The following CC2D2B variants were observed in gnomAD, a reference collection of about 807,000 sequenced individuals.
CC2D2B encodes the protein protein CC2D2B.
In CC2D2B, 128 loss-of-function variants were observed where a neutral mutation model predicts 161.2. The observed-to-expected ratio is 0.79, with a 90% confidence interval of 0.69 to 0.92. The LOEUF (loss-of-function observed/expected upper bound fraction) is 0.92. CC2D2B is among the 40% of genes least tolerant of loss of function. CC2D2B has a pLI of 0.00. For missense variants in CC2D2B, 1,173 were observed against 1,375.1 expected, an observed-to-expected ratio of 0.85 and a Z score of 2.32; for synonymous variants, 391 against 449.8, an observed-to-expected ratio of 0.87 and a Z score of 1.65.
intron 34 of CC2D2B, among the ~76,000 whole-genome samples, chr10:96,029,249 T>G (rs1169771415): frequency 9.2e-5 from 2 of 21,638 alleles, no homozygotes; most frequent in Middle Eastern, 0.015. Context: ...ACCATATATA[T>G]ATATATATAT....
intron 4 of CC2D2B, 64 bp from the exon 5 acceptor site, chr10:95,924,715 G>T: frequency 9.2e-7 from 1 of 1,090,442 alleles, no homozygotes; most frequent in South Asian, 1.4e-5. Context: ...ATAAATTTTG[G>T]ACAAAAGACT....
chr10:95,913,219 T>C (rs1452079334), intron 2 of CC2D2B, among the ~76,000 whole-genome samples: 1 of 152,130 alleles, frequency 6.6e-6, no homozygotes, highest in African/African-American at 2.4e-5. Flanking sequence ...AAGTTTTTCT[T>C]TCTGTGCCTG....
intron 6 of CC2D2B, among the ~76,000 whole-genome samples, chr10:95,936,470 T>C (rs1045133919): frequency 2.6e-5 from 4 of 152,152 alleles, no homozygotes; most frequent in African/African-American, 9.7e-5. Context: ...TAACAAGGCA[T>C]GTTCCTGTGA....
At chr10:96,000,061 T>C in intron 24 of CC2D2B, 2 of 1,476,854 alleles carry the variant, frequency 1.4e-6, no homozygotes, top group Non-Finnish European at 1.8e-6. Flanking sequence ...TGTAGACTCT[T>C]CCAGTTTTGC....
At chr10:95,995,921 T>G (rs1259017125) in intron 23 of CC2D2B, among the ~76,000 whole-genome samples, 1 of 152,224 alleles carries the variant, frequency 6.6e-6, no homozygotes, top group Non-Finnish European at 1.5e-5. Context: ...CTGATAGACT[T>G]TAAAATCCTT....
At position 96,019,789 on chromosome 10, in the gene CC2D2B, A is replaced by T. The variant is rs775808199; in HGVS notation, c.3853A>T (p.Lys1285Ter). Residue 1285 changes from lysine (K) to a stop codon, truncating the protein, a stop_gained, in exon 32 of 35, where the codon AAA becomes TAA. Coordinates refer to ENST00000646931, the MANE Select transcript of CC2D2B (RefSeq NM_001349008.3). LOFTEE classifies it high-confidence loss of function. ...KESFWKQLLP[K>*]NVQGTKIQSI... The stretch of plus-strand genomic sequence containing the variant: ...AAGTTTCTGGAAGCAGTTGCTTCCA[A>T]AAAACGTTCAAGGAACAAAAATACA... The T allele has an allele frequency of 6.2e-7, 1 of 1,606,368 alleles. No homozygotes were observed.
chr10:95,969,696 A>G (rs2077056007), intron 15 of CC2D2B, among the ~76,000 whole-genome samples: 1 of 152,098 alleles, frequency 6.6e-6, no homozygotes, highest in Non-Finnish European at 1.5e-5. Context: ...CTCTCTTACA[A>G]TGTCCCTCTG....
At chr10:95,984,584 T>C (rs1054588935) in intron 19 of CC2D2B, 1 of 152,200 alleles carries the variant, frequency 6.6e-6, no homozygotes. Flanking sequence ...ATTTTAAAAT[T>C]TCTTTTTTTC....
intron 3 of CC2D2B, among the ~76,000 whole-genome samples, chr10:95,923,840 C>T (rs1260198213): frequency 6.6e-6 from 1 of 152,108 alleles, no homozygotes; most frequent in Non-Finnish European, 1.5e-5. Flanking sequence ...CATGGCGAAA[C>T]CCCATCTCTA....
intron 10 of CC2D2B, among the ~76,000 whole-genome samples, chr10:95,954,716 T>C (rs962531838): frequency 6.6e-6 from 1 of 152,172 alleles, no homozygotes; most frequent in African/African-American, 2.4e-5. Context: ...AAATTGGGTT[T>C]CCTCTTCCAG....
At chr10:95,945,777 CTTTTTTTTTTTT>C (rs34209550) in intron 9 of CC2D2B, among the ~76,000 whole-genome samples, 1 of 81,124 alleles carries the variant, frequency 1.2e-5, no homozygotes, top group Non-Finnish European at 2.4e-5. Flanking sequence ...TAATGTTGGA[CTTTTTTTTTTTT>C]TTTTTTTTTT....
At chr10:95,923,919 G>T (rs1231444625) in intron 3 of CC2D2B, among the ~76,000 whole-genome samples, 1 of 152,144 alleles carries the variant, frequency 6.6e-6, no homozygotes, top group Admixed American at 6.5e-5. Flanking sequence ...CACTCAGGAG[G>T]CTGAGGTAGG....
intron 14 of CC2D2B, among the ~76,000 whole-genome samples, chr10:95,968,260 T>C (rs1164340206): frequency 2.6e-5 from 4 of 152,192 alleles, no homozygotes; most frequent in Non-Finnish European, 4.4e-5. Context: ...TAGAGCCACA[T>C]CTTTGAAGTT....
At chr10:95,918,020 G>A (rs376697686) in intron 2 of CC2D2B, among the ~76,000 whole-genome samples, 1 of 152,004 alleles carries the variant, frequency 6.6e-6, no homozygotes, top group Non-Finnish European at 1.5e-5. Flanking sequence ...CAAGTGTTCC[G>A]CCTACCTCAG....
chr10:96,025,192 A>AAAATATAT (rs1284499689), intron 33 of CC2D2B, among the ~76,000 whole-genome samples: 2 of 49,204 alleles, frequency 4.1e-5, no homozygotes, highest in African/African-American at 1.7e-4. Flanking sequence ...TATAAAAAAA[A>AAAATATAT]ATATATATAT....
At chr10:95,937,300 A>G (rs2075858285) in intron 6 of CC2D2B, among the ~76,000 whole-genome samples, 1 of 152,178 alleles carries the variant, frequency 6.6e-6, no homozygotes, top group Non-Finnish European at 1.5e-5. Context: ...GTTGTTCAGT[A>G]TGTGTATATT....
In CC2D2B at chr10:95,966,285, C is replaced by T; in HGVS notation, c.1449C>T (p.Ser483=). The change falls in exon 14 of 35, where the codon AGC becomes AGT. Residue 483 remains serine, a synonymous_variant. Coordinates refer to ENST00000646931, the MANE Select transcript of CC2D2B (RefSeq NM_001349008.3). Reference sequence around the variant, plus strand: ...TTTCTTTCACTGCAGAATTAACAAGCTTATCCAAGTGTTCCTTGTAAGCAT... The same window carrying T: ...TTTCTTTCACTGCAGAATTAACAAGTTTATCCAAGTGTTCCTTGTAAGCAT... ...PQLSFTAELT[S]LSKCSLHEQK... is the part of the protein sequence containing the mutation. The T allele has an allele frequency of 8.5e-7, 1 of 1,179,690 alleles. No homozygotes were observed. The highest frequency in any genetic ancestry group is 1.1e-6 in the Non-Finnish European group (1 of 940,576). The allele number at this position is 1,179,690 out of a possible 1,614,324, so 73.1% of individuals were successfully genotyped here.
chr10:95,912,184 G>A (rs1014989357), intron 2 of CC2D2B, among the ~76,000 whole-genome samples: 1 of 152,116 alleles, frequency 6.6e-6, no homozygotes, highest in Non-Finnish European at 1.5e-5. Context: ...AGCATGTACA[G>A]TTGTTATTTC....
intron 19 of CC2D2B, among the ~76,000 whole-genome samples, chr10:95,984,443 TTATC>T (rs1279259955): frequency 6.6e-6 from 1 of 152,180 alleles, no homozygotes; most frequent in Non-Finnish European, 1.5e-5. Flanking sequence ...GCTGAAGTAT[TTATC>T]TAGAGATGCT....
Sources: gnomAD v4.1 joint callset for allele counts (sites outside exome capture counted in the v4.1 genomes callset) on GRCh38, gnomAD v4.1.1 for gene constraint, MANE v1.5 for transcripts, NCBI Gene and HGNC (gene_info 2026-07-23, HGNC 2026-07-21) for gene names.